KIAA1549: variants seen among roughly 807,000 people sequenced by gnomAD.
The protein encoded by KIAA1549 is KIAA1549, also known as UPF0606 protein KIAA1549.
In KIAA1549, 70 loss-of-function variants were observed where a neutral mutation model predicts 156.4. The observed-to-expected ratio is 0.45, with a 90% confidence interval of 0.37 to 0.55. KIAA1549 has a LOEUF of 0.55. Ranked by LOEUF, KIAA1549 falls within the 20% of genes least tolerant of loss-of-function variation. The pLI is 0.00. For missense variants in KIAA1549, 2,428 were observed against 2,540.9 expected, an observed-to-expected ratio of 0.96 and a Z score of 0.96; for synonymous variants, 1,103 against 1,066.4, an observed-to-expected ratio of 1.03 and a Z score of -0.67.
intron 1 of KIAA1549, among the ~76,000 whole-genome samples, chr7:138,963,345 G>C (rs1053677009): frequency 1.3e-5 from 2 of 152,230 alleles, no homozygotes; most frequent in African/African-American, 4.8e-5. Flanking sequence ...AAGCCACTGA[G>C]ATTTGGAAAC....
rs1814544586 is a variant in KIAA1549, at chr7:138,981,262, C to G, written c.8G>C (p.Gly3Ala). 16 of 979,702 alleles carry G rather than the reference C, an allele frequency of 1.6e-5. No individual in the cohort carries two copies. The highest frequency in any genetic ancestry group is 1.8e-5 in the Non-Finnish European group (15 of 827,246). 60.7% of individuals were successfully genotyped at this position (979,702 alleles called of 1,614,324 possible). A position where few individuals can be genotyped will look rare whatever the true frequency, so the allele number is the denominator to read the frequency against. The change falls in exon 1 of 20, where the codon GGG (glycine) becomes GCG (alanine). Residue 3 changes from glycine to alanine, a missense_variant. Physicochemically the swap from Gly to Ala is moderately conservative, Grantham distance 60 (BLOSUM62 0). This residue lies in a region of KIAA1549 where 893 missense variants were observed against 847.9 expected (regional missense o/e 1.05). Coordinates refer to ENST00000422774, the MANE Select transcript of KIAA1549 (RefSeq NM_001164665.2). This position sits in a 1 kb window ranked among gnomAD's most constrained non-coding sequence, Gnocchi z 4.5. ...CGCGCCTCGGCGTCGGCGCCGCGCCCCCGGCATTCCCGGCCGGCGCCCCGG... is the reference window on the plus strand; with the variant it reads ...CGCGCCTCGGCGTCGGCGCCGCGCCGCCGGCATTCCCGGCCGGCGCCCCGG... Reference protein sequence around the residue: MPGARRRRRGAAM... With the variant: MPAARRRRRGAAM...
At chr7:138,885,557 C>A (rs543477505) in intron 10 of KIAA1549, among the ~76,000 whole-genome samples, 2 of 152,320 alleles carry the variant, frequency 1.3e-5, no homozygotes, top group Admixed American at 1.3e-4. Flanking sequence ...CCACCCACAA[C>A]GATGGCCCCA....
At chr7:138,914,697 C>T (rs779491295) in intron 2 of KIAA1549, among the ~76,000 whole-genome samples, 22 of 152,142 alleles carry the variant, frequency 1.4e-4, no homozygotes, top group Non-Finnish European at 2.5e-4. Flanking sequence ...CACTTATCTC[C>T]GCTAAAAGAC....
In KIAA1549 at chr7:138,835,344, C is replaced by T. The variant is rs2130313119; in HGVS notation, c.*2562G>A. On this transcript the variant is annotated 3_prime_UTR_variant, in exon 20 of 20. Coordinates refer to ENST00000422774, the MANE Select transcript of KIAA1549 (RefSeq NM_001164665.2). ...GGGCCTGCTCACACCACACCATAAC[C>T]ACCGGCTGTTTATTATACATCATCT... The T allele has an allele frequency of 4.7e-6, 1 of 214,602 alleles. No homozygotes were observed. Among genetic ancestry groups the T allele is most frequent in the Admixed American group, 5.8e-5 (1 of 17,168 alleles). The allele number at this position is 214,602 out of a possible 1,614,324, so 13.3% of individuals were successfully genotyped here. A position where few individuals can be genotyped will look rare whatever the true frequency, so the allele number is the denominator to read the frequency against.
At chr7:138,897,374 G>A (rs1415962412) in intron 9 of KIAA1549, among the ~76,000 whole-genome samples, 3 of 152,048 alleles carry the variant, frequency 2.0e-5, no homozygotes, top group African/African-American at 7.2e-5. Flanking sequence ...CATCTTGGTT[G>A]GTCTCCAGGG....
At chr7:138,961,270 C>T (rs1453422903) in intron 1 of KIAA1549, among the ~76,000 whole-genome samples, 5 of 152,224 alleles carry the variant, frequency 3.3e-5, no homozygotes, top group African/African-American at 4.8e-5. Context: ...AGGAGGGCTC[C>T]ATGCCAGGAG....
At chr7:138,870,854 G>A (rs1810907582) in intron 13 of KIAA1549, among the ~76,000 whole-genome samples, 1 of 152,126 alleles carries the variant, frequency 6.6e-6, no homozygotes, top group Non-Finnish European at 1.5e-5. Context: ...GTCTCACTCT[G>A]TCAACCAGGC....
intron 1 of KIAA1549, among the ~76,000 whole-genome samples, chr7:138,944,881 G>C (rs562965187): frequency 5.4e-4 from 82 of 152,336 alleles, no homozygotes; most frequent in African/African-American, 1.9e-3. Context: ...GCTGCCAGGG[G>C]CGAGGAGGGT....
At chr7:138,899,188 C>T (rs1448988553) in intron 8 of KIAA1549, 56 bp from the exon 9 acceptor site, 1 of 1,516,790 alleles carries the variant, frequency 6.6e-7, no homozygotes, top group Non-Finnish European at 9.1e-7. Context: ...TAGATGCCCT[C>T]TCTCAGGTTG....
At position 138,919,253 on chromosome 7, in the gene KIAA1549, G is replaced by C. The variant is rs1385811137; in HGVS notation, c.373C>G (p.Gln125Glu). Residue 125 changes from glutamine (Q) to glutamate (E), a missense_variant, in exon 2 of 20, where the codon CAA (glutamine) becomes GAA (glutamate). Transcript: ENST00000422774. ...ATTFDTAFFNQGKQTKSTADP... is the reference protein window; with the variant it reads ...ATTFDTAFFNEGKQTKSTADP... ...GCTGTACTTTTGGTCTGTTTTCCTT[G>C]GTTAAAAAAGGCTGTATCAAAAGTA... 1 of 1,613,960 alleles carries C rather than the reference G, an allele frequency of 6.2e-7. No homozygotes were observed. Among genetic ancestry groups the C allele is most frequent in the Admixed American group, 1.7e-5 (1 of 60,022 alleles).
chr7:138,968,262 G>C (rs997401943), intron 1 of KIAA1549, among the ~76,000 whole-genome samples: 4 of 152,066 alleles, frequency 2.6e-5, no homozygotes, highest in African/African-American at 9.7e-5. Context: ...CAGATGATGG[G>C]TTGACAGGTG....
Position 138,835,628 on chromosome 7 carries a change from G to A in KIAA1549, c.*2278C>T, listed in dbSNP as rs1296227308. 1.4e-5 allele frequency: 3 copies of A among 221,608 alleles called. No homozygotes were observed. The highest frequency in any genetic ancestry group is 9.0e-6 in the Non-Finnish European group (1 of 110,996). The allele number at this position is 221,608 out of a possible 1,614,324, so 13.7% of individuals were successfully genotyped here. Reference sequence around the variant, plus strand: ...GTCACACGATTTGAATTCATTACAAGGTGTCCATAATAAAATTCTGCTTGG... The same window carrying A: ...GTCACACGATTTGAATTCATTACAAAGTGTCCATAATAAAATTCTGCTTGG... On this transcript the variant is annotated 3_prime_UTR_variant, in exon 20 of 20. Transcript: ENST00000422774.
chr7:138,959,201 A>T (rs1813762850), intron 1 of KIAA1549, among the ~76,000 whole-genome samples: 1 of 152,200 alleles, frequency 6.6e-6, no homozygotes, highest in African/African-American at 2.4e-5. Context: ...TTTTTTAAAC[A>T]AATGACCTTA....
chr7:138,911,893 C>T (rs938440799), intron 3 of KIAA1549, among the ~76,000 whole-genome samples: 2 of 152,188 alleles, frequency 1.3e-5, no homozygotes, highest in Admixed American at 6.5e-5. Context: ...GCGTGGGGCG[C>T]GGTTCTGGTT....
chr7:138,871,230 G>A lies in KIAA1549; in HGVS notation c.4478C>T (p.Pro1493Leu), dbSNP rs770070506. The A allele has an allele frequency of 1.1e-5, 18 of 1,613,108 alleles. 1 individual carries two copies. The highest frequency in any genetic ancestry group is 1.6e-4 in the Middle Eastern group (1 of 6,080). ...PSKIQLIAMQ[P>L]IPAPPVQRPS... ...GCGCTGGACGGGAGGTGCCGGGATC[G>A]GCTGCATGGCGATAAGCTGGATCTT... The change falls in exon 13 of 20, where the codon CCG (proline) becomes CTG (leucine). Residue 1493 changes from proline to leucine, a missense_variant. Transcript: ENST00000422774.
rs369932693 is a variant in KIAA1549, at chr7:138,922,435, T to C, written c.188-2997A>G. Among the ~76,000 whole-genome samples, 121 of 152,290 alleles carry C rather than the reference T, an allele frequency of 7.9e-4. 4 individuals are homozygous for C. The highest frequency in any genetic ancestry group is 2.6e-3 in the African/African-American group (109 of 41,576). On this transcript the variant is annotated intron_variant, in intron 1 of 19. Coordinates refer to ENST00000422774, the MANE Select transcript of KIAA1549 (RefSeq NM_001164665.2). ...CAAGAGAAATCCCATGAAGAAAGTA[T>C]TTTTTTAAAAGGCCAACTAAATTGA... is the stretch of plus-strand genomic sequence containing the variant.
intron 10 of KIAA1549, among the ~76,000 whole-genome samples, chr7:138,883,612 C>A (rs1384503729): frequency 1.3e-5 from 2 of 152,140 alleles, no homozygotes; most frequent in Non-Finnish European, 2.9e-5. Context: ...CCACTGTGCC[C>A]TTGGAAAGAC....
At chr7:138,863,714 G>A (rs150715712) in intron 15 of KIAA1549, among the ~76,000 whole-genome samples, 164 of 152,278 alleles carry the variant, frequency 1.1e-3, no homozygotes, top group African/African-American at 3.9e-3. Context: ...GACTGCCCTC[G>A]TGGGATGGGG....
intron 19 of KIAA1549, among the ~76,000 whole-genome samples, chr7:138,839,177 C>G (rs1006735017): frequency 2.0e-5 from 3 of 152,110 alleles, no homozygotes; most frequent in Admixed American, 6.5e-5. Context: ...TGTCTTTTTA[C>G]TAGGTAAGAG....
Sources: allele counts gnomAD v4.1 joint callset (sites outside exome capture counted in the v4.1 genomes callset), GRCh38; gene constraint gnomAD v4.1.1; regional missense constraint gnomAD v4.1.1; non-coding constraint Gnocchi (gnomAD v3.1); transcripts MANE v1.5; gene names NCBI Gene and HGNC (gene_info 2026-07-23, HGNC 2026-07-21).